PCDHGB6: variants seen among roughly 807,000 people sequenced by gnomAD.
The protein encoded by PCDHGB6 is protocadherin gamma subfamily B, 6.
A neutral mutation model predicts 59.1 loss-of-function variants in PCDHGB6; 51 were observed. That is an observed-to-expected ratio of 0.86 (90% CI 0.69 to 1.09). The LOEUF (loss-of-function observed/expected upper bound fraction) is 1.09. Among genes scored for constraint, PCDHGB6 ranks in the 50% least tolerant of loss-of-function variants. PCDHGB6 has a pLI of 0.00. For synonymous variants in PCDHGB6, 466 were observed against 495.1 expected, an observed-to-expected ratio of 0.94 and a Z score of 0.78; for missense variants, 1,148 against 1,205.1, an observed-to-expected ratio of 0.95 and a Z score of 0.70.
At chr5:141,455,394 C>T (rs1034564159) in intron 1 of PCDHGB6, among the ~76,000 whole-genome samples, 2 of 152,004 alleles carry the variant, frequency 1.3e-5, no homozygotes, top group African/African-American at 4.8e-5. Context: ...AAGGAGCTCC[C>T]CCTTACAGAG....
intron 1 of PCDHGB6, among the ~76,000 whole-genome samples, chr5:141,446,827 C>A (rs922071842): frequency 6.6e-6 from 1 of 152,114 alleles, no homozygotes; most frequent in Non-Finnish European, 1.5e-5. Context: ...TGGGTAGATC[C>A]TTATAAGGCT....
At chr5:141,410,821 C>A in intron 1 of PCDHGB6, 1 of 441,370 alleles carries the variant, frequency 2.3e-6, no homozygotes, top group Non-Finnish European at 3.8e-6. Context: ...AAAATAATGT[C>A]ACCAGACTGA....
chr5:141,505,621 A>G (rs1170133157), intron 3 of PCDHGB6, 140 bp downstream of exon 3: 5 of 1,495,758 alleles, frequency 3.3e-6, no homozygotes, highest in South Asian at 2.6e-5. Context: ...AGGACCCACA[A>G]TTCCAAACAT....
rs767337670 is a variant in PCDHGB6 at position 141,433,083 on chromosome 5, A to G, written c.2418+22463A>G. 8.1e-6 allele frequency: 13 copies of G among 1,614,174 alleles called. 1 individual carries two copies. Among genetic ancestry groups the G allele is most frequent in the Non-Finnish European group, 9.3e-6 (11 of 1,180,024 alleles). ...CACCTGATCTTCCCCCAGCCCAACT[A>G]TGCAGACATGCTCGTCAGCCAGGAG... On this transcript the variant is annotated intron_variant, in intron 1 of 3. Coordinates refer to ENST00000520790, the MANE Select transcript of PCDHGB6 (RefSeq NM_018926.3).
In PCDHGB6 at chr5:141,490,594, C is replaced by A. The variant is rs1276468877; in HGVS notation, c.2419-4213C>A. The A allele has an allele frequency of 2.5e-6, 4 of 1,614,056 alleles. No individual in the cohort carries two copies. The highest frequency in any genetic ancestry group is 1.6e-4 in the Middle Eastern group (1 of 6,084). On this transcript the variant is annotated intron_variant, in intron 1 of 3. Transcript: ENST00000520790. The surrounding 1 kb of genome is among the most constrained non-coding windows in gnomAD (Gnocchi z 5.4). ...CATTTCAGATGTCAATGACAATGCA[C>A]CCCGCTTCAACCAGCAGCTTTACAC...
chr5:141,507,368 T>C (rs1446319165), intron 3 of PCDHGB6: 2 of 152,094 alleles, frequency 1.3e-5, no homozygotes, highest in Non-Finnish European at 2.9e-5. Context: ...GGGAGCCCTG[T>C]ACTTTTATTT....
chr5:141,457,416 C>T (rs1378171092), intron 1 of PCDHGB6, among the ~76,000 whole-genome samples: 1 of 152,172 alleles, frequency 6.6e-6, no homozygotes, highest in Non-Finnish European at 1.5e-5. Flanking sequence ...ATTACCCATC[C>T]CTTTTTCCCC....
chr5:141,453,101 T>TTTCTG (rs1554138035), intron 1 of PCDHGB6, among the ~76,000 whole-genome samples: 1 of 152,012 alleles, frequency 6.6e-6, no homozygotes, highest in Non-Finnish European at 1.5e-5. Context: ...TTCTGTTGCT[T>TTTCTG]TTTTGTTTTG....
At chr5:141,418,433 C>G (rs761824602) in intron 1 of PCDHGB6, 44 of 1,613,938 alleles carry the variant, frequency 2.7e-5, no homozygotes, top group Non-Finnish European at 3.7e-5. Flanking sequence ...TGGCAAATAT[C>G]CAGAATTAGT....
At position 141,477,763 on chromosome 5, in the gene PCDHGB6, C is replaced by A. The variant is rs763322593; in HGVS notation, c.2419-17044C>A. On this transcript the variant is annotated intron_variant, in intron 1 of 3. Coordinates refer to ENST00000520790, the MANE Select transcript of PCDHGB6 (RefSeq NM_018926.3). The surrounding 1 kb of genome is among the most constrained non-coding windows in gnomAD (Gnocchi z 4.9). ...ATGGGGGCACCCCGGTCCTAGCCAC[C>A]AACATCAGCGTGAACATATTTGTCA... 5.0e-6 allele frequency: 8 copies of A among 1,613,894 alleles called. No homozygotes were observed. The East Asian group carries it at 1.6e-4, about 31-fold the overall frequency.
chr5:141,415,657 G>C, intron 1 of PCDHGB6: 1 of 1,576,238 alleles, frequency 6.3e-7, no homozygotes, highest in Non-Finnish European at 8.6e-7. Context: ...AAAAAAGATT[G>C]GTTTTTACTT....
chr5:141,505,377 C>G lies in PCDHGB6; in HGVS notation c.2478-16C>G, dbSNP rs1368451336. 1.9e-6 allele frequency: 3 copies of G among 1,614,036 alleles called. No homozygotes were observed. In the East Asian group the frequency reaches 6.7e-5, roughly 36 times the overall value. On this transcript the variant is annotated splice_polypyrimidine_tract_variant and intron_variant, in intron 2 of 3. Coordinates refer to ENST00000520790, the MANE Select transcript of PCDHGB6 (RefSeq NM_018926.3). Reference sequence around the variant, plus strand: ...CGGCCTGGGAGTCTGTGCTCACCATCCTACTCTCTCCCCAGCTCCCAAAAT... The same window carrying G: ...CGGCCTGGGAGTCTGTGCTCACCATGCTACTCTCTCCCCAGCTCCCAAAAT...
At chr5:141,470,242 T>C (rs1301513342) in intron 1 of PCDHGB6, among the ~76,000 whole-genome samples, 1 of 152,344 alleles carries the variant, frequency 6.6e-6, no homozygotes, top group South Asian at 2.1e-4. Flanking sequence ...CCCTTGAATG[T>C]CCCACCTGTC....
rs376721940 is a variant in PCDHGB6, at chr5:141,410,147, G to A, written c.1945G>A (p.Gly649Ser). 18 of 1,612,952 alleles carry A rather than the reference G, an allele frequency of 1.1e-5. No homozygotes were observed. The East Asian group carries it at 3.6e-4, about 32-fold the overall frequency. ...RQRLLVAVRD[G>S]GQPPLSATAT... ...GCGCCTGCTGGTCGCTGTGCGTGAC[G>A]GTGGACAGCCGCCACTCTCTGCCAC... Residue 649 changes from glycine to serine, a missense_variant, in exon 1 of 4, where the codon GGT (glycine) becomes AGT (serine). This residue lies in a region of PCDHGB6 where 549 missense variants were observed against 527.5 expected (regional missense o/e 1.04). Transcript: ENST00000520790.
intron 1 of PCDHGB6, chr5:141,415,661 T>C: frequency 6.3e-7 from 1 of 1,582,308 alleles, no homozygotes; most frequent in East Asian, 2.3e-5. Flanking sequence ...AAGATTGGTT[T>C]TTACTTTGAA....
chr5:141,427,810 G>T, intron 1 of PCDHGB6: 1 of 1,523,990 alleles, frequency 6.6e-7, no homozygotes, highest in Non-Finnish European at 9.0e-7. Flanking sequence ...AGCGCACAGA[G>T]CGGGGTGGTG....
chr5:141,497,412 A>G (rs963440048), intron 2 of PCDHGB6, among the ~76,000 whole-genome samples: 13 of 151,982 alleles, frequency 8.6e-5, no homozygotes, highest in African/African-American at 3.1e-4. Flanking sequence ...CTCCCATTCC[A>G]TCAAATGAGA....
chr5:141,476,741 A>G lies in PCDHGB6; in HGVS notation c.2419-18066A>G, dbSNP rs1430298222. On this transcript the variant is annotated intron_variant, in intron 1 of 3. Transcript: ENST00000520790. The surrounding 1 kb of genome is among the most constrained non-coding windows in gnomAD (Gnocchi z 7.6). ...CGCCCTGGACCGAGAACGGGAGCCT[A>G]GTCTCCAGTTAGTGCTGACGGCGTT... The G allele has an allele frequency of 6.2e-7, 1 of 1,613,936 alleles. No individual in the cohort carries two copies. Among genetic ancestry groups the G allele is most frequent in the Non-Finnish European group, 8.5e-7 (1 of 1,180,032 alleles).
chr5:141,462,983 T>C (rs530985795), intron 1 of PCDHGB6, among the ~76,000 whole-genome samples: 278 of 152,304 alleles, frequency 1.8e-3, no homozygotes, highest in Non-Finnish European at 3.4e-3. Flanking sequence ...AACTTTTGCC[T>C]TGGGCTAATT....
Sources: gnomAD v4.1 joint callset for allele counts (sites outside exome capture counted in the v4.1 genomes callset) on GRCh38, gnomAD v4.1.1 for gene constraint, gnomAD v4.1.1 regional missense constraint, Gnocchi (gnomAD v3.1) non-coding constraint, MANE v1.5 for transcripts, NCBI Gene and HGNC (gene_info 2026-07-23, HGNC 2026-07-21) for gene names.